MED13L: variants seen among roughly 807,000 people sequenced by gnomAD.
MED13L encodes mediator of RNA polymerase II transcription subunit 13-like.
A neutral mutation model predicts 220.9 loss-of-function variants in MED13L; 7 were observed. That is an observed-to-expected ratio of 0.03 (90% CI 0.02 to 0.06). The LOEUF is 0.06. MED13L is among the 10% of genes least tolerant of loss of function. The pLI is 1.00. For synonymous variants in MED13L, 1,011 were observed against 1,015.2 expected, an observed-to-expected ratio of 1.00 and a Z score of 0.08; for missense variants, 1,965 against 2,760.5, an observed-to-expected ratio of 0.71 and a Z score of 6.46.
chr12:116,053,672 C>A (rs1187459190), intron 4 of MED13L, among the ~76,000 whole-genome samples: 1 of 152,098 alleles, frequency 6.6e-6, no homozygotes, highest in Non-Finnish European at 1.5e-5. Flanking sequence ...TGCCTAAGGT[C>A]ATATAACTTG....
chr12:116,266,482 C>T (rs1285060204), intron 1 of MED13L, among the ~76,000 whole-genome samples: 1 of 152,202 alleles, frequency 6.6e-6, no homozygotes, highest in Non-Finnish European at 1.5e-5. Flanking sequence ...ACACAGCAAT[C>T]CTCTCCTTGG....
intron 2 of MED13L, among the ~76,000 whole-genome samples, chr12:116,172,627 A>C (rs1879764337): frequency 6.6e-6 from 1 of 152,188 alleles, no homozygotes; most frequent in African/African-American, 2.4e-5. Flanking sequence ...TTGAAGGCAA[A>C]AAGTCCTACA....
intron 4 of MED13L, among the ~76,000 whole-genome samples, chr12:116,078,286 G>C (rs1870971456): frequency 6.6e-6 from 1 of 151,984 alleles, no homozygotes; most frequent in Non-Finnish European, 1.5e-5. Flanking sequence ...TTTGTAAAGA[G>C]ATAAATTATT....
chr12:116,026,880 C>T (rs1880423796), intron 4 of MED13L, among the ~76,000 whole-genome samples: 1 of 152,072 alleles, frequency 6.6e-6, no homozygotes, highest in Non-Finnish European at 1.5e-5. Context: ...AGTAGTGGAC[C>T]TGTTAACTAA....
At chr12:116,155,584 A>C (rs984242942) in intron 2 of MED13L, among the ~76,000 whole-genome samples, 4 of 152,210 alleles carry the variant, frequency 2.6e-5, no homozygotes, top group African/African-American at 9.6e-5. Flanking sequence ...AAACGTTTAC[A>C]ACACCAAAAT....
At chr12:116,205,312 TCAAGTCG>T (rs1371967382) in intron 2 of MED13L, among the ~76,000 whole-genome samples, 1 of 152,084 alleles carries the variant, frequency 6.6e-6, no homozygotes, top group Non-Finnish European at 1.5e-5. Flanking sequence ...CAAATTTTTT[TCAAGTCG>T]TGTTTTTTTT....
At chr12:116,275,372 A>G (rs1873727750) in intron 1 of MED13L, among the ~76,000 whole-genome samples, 1 of 152,212 alleles carries the variant, frequency 6.6e-6, no homozygotes, top group South Asian at 2.1e-4. Flanking sequence ...TTATAAATGA[A>G]TTTTAAGATT....
At chr12:116,087,513 T>C (rs894455926) in intron 4 of MED13L, among the ~76,000 whole-genome samples, 2 of 152,226 alleles carry the variant, frequency 1.3e-5, no homozygotes, top group Non-Finnish European at 2.9e-5. Context: ...TGCTGCCAAG[T>C]TGCTACACAG....
At chr12:116,053,601 C>T (rs1354329049) in intron 4 of MED13L, among the ~76,000 whole-genome samples, 1 of 152,088 alleles carries the variant, frequency 6.6e-6, no homozygotes, top group Non-Finnish European at 1.5e-5. Flanking sequence ...CTAAGGTAGG[C>T]ATTAAATTAT....
chr12:115,966,379 TGA>T, intron 28 of MED13L, 136 bp from the exon 29 acceptor site: 1 of 1,006,114 alleles, frequency 9.9e-7, no homozygotes, highest in Admixed American at 2.0e-5. Context: ...AACAGGTGAC[TGA>T]GAAAGGTAAG....
chr12:115,998,604 G>C (rs1878554309), intron 14 of MED13L, among the ~76,000 whole-genome samples: 2 of 152,218 alleles, frequency 1.3e-5, no homozygotes, highest in African/African-American at 4.8e-5. Context: ...TGTGAGGGGA[G>C]AGGAAAGCTT....
At chr12:116,215,556 C>T (rs1565932266) in intron 2 of MED13L, among the ~76,000 whole-genome samples, 1 of 152,138 alleles carries the variant, frequency 6.6e-6, no homozygotes, top group Admixed American at 6.5e-5. Context: ...GTGCTGGGAT[C>T]GTATCTTCCT....
At position 116,169,467 on chromosome 12, in the gene MED13L, G is replaced by A. The variant is rs1204279554; in HGVS notation, c.311-57955C>T. Among the ~76,000 whole-genome samples, 5 of 151,894 alleles carry A rather than the reference G, an allele frequency of 3.3e-5. No individual in the cohort carries two copies. The East Asian group carries it at 5.8e-4, about 18-fold the overall frequency. On this transcript the variant is annotated intron_variant, in intron 2 of 30. Coordinates refer to ENST00000281928, the MANE Select transcript of MED13L (RefSeq NM_015335.5). ...AAGAGGTACACTGATTTTCATTTTC[G>A]CAAATCTCTTTTACATCTGCCTTAA...
chr12:116,120,475 TCTCACA>T (rs1377417216), intron 2 of MED13L, among the ~76,000 whole-genome samples: 107 of 91,716 alleles, frequency 1.2e-3, no homozygotes, highest in African/African-American at 1.8e-3. Context: ...TCTCTCTCTC[TCTCACA>T]CACACACACA....
intron 4 of MED13L, among the ~76,000 whole-genome samples, chr12:116,042,058 T>A (rs1182108966): frequency 1.3e-5 from 2 of 152,214 alleles, no homozygotes; most frequent in African/African-American, 4.8e-5. Flanking sequence ...AAACTATTGT[T>A]AGAATAGTAA....
rs577942119 is a variant in MED13L at position 116,037,481 on chromosome 12, G to A, written c.480-14880C>T. On this transcript the variant is annotated intron_variant, in intron 4 of 30. Coordinates refer to ENST00000281928, the MANE Select transcript of MED13L (RefSeq NM_015335.5). ...TGTATATTCAGATATTCTGAAATCCGATGAAATCTGAAATCCAAAACGTTC... is the reference window on the plus strand; with the variant it reads ...TGTATATTCAGATATTCTGAAATCCAATGAAATCTGAAATCCAAAACGTTC... Among the ~76,000 whole-genome samples the A allele has an allele frequency of 2.5e-3, 379 of 152,230 alleles. 3 individuals carry two copies. The highest frequency in any genetic ancestry group is 0.018 in the South Asian group (89 of 4,818).
chr12:116,204,590 T>C (rs1036401303), intron 2 of MED13L, among the ~76,000 whole-genome samples: 14 of 152,344 alleles, frequency 9.2e-5, no homozygotes, highest in African/African-American at 3.4e-4. Flanking sequence ...ACTTTTAATA[T>C]AATGCCTTGT....
At chr12:116,070,161 G>C (rs1233494491) in intron 4 of MED13L, among the ~76,000 whole-genome samples, 2 of 152,160 alleles carry the variant, frequency 1.3e-5, no homozygotes, top group Non-Finnish European at 2.9e-5. Context: ...TCCAAGGGCA[G>C]GAGCTATTAT....
intron 2 of MED13L, among the ~76,000 whole-genome samples, chr12:116,117,967 C>T (rs1422871822): frequency 3.3e-5 from 5 of 152,116 alleles, no homozygotes; most frequent in Non-Finnish European, 7.3e-5. Flanking sequence ...GGCCACCATG[C>T]CCAGTTACTT....
Sources: allele counts gnomAD v4.1 joint callset (sites outside exome capture counted in the v4.1 genomes callset), GRCh38; gene constraint gnomAD v4.1.1; transcripts MANE v1.5; gene names NCBI Gene and HGNC (gene_info 2026-07-23, HGNC 2026-07-21).